Variants in PARD3B observed in about 807,000 individuals in gnomAD.
PARD3B encodes the protein par-3 family cell polarity regulator beta, also known as partitioning defective 3 homolog B.
In PARD3B, 103 loss-of-function variants were observed where a neutral mutation model predicts 130.2. The observed-to-expected ratio is 0.79, with a 90% CI of 0.67 to 0.93. PARD3B has a LOEUF of 0.93. Ranked by LOEUF, PARD3B falls within the 40% of genes least tolerant of loss-of-function variation. The pLI, the probability that PARD3B is intolerant of heterozygous loss-of-function variation, is 0.00. For synonymous variants in PARD3B, 583 were observed against 553.2 expected (o/e 1.05, Z -0.76); for missense variants, 1,609 against 1,499.2 (o/e 1.07, Z -1.21).
chr2:205,589,419 C>T lies in PARD3B; in HGVS notation c.3261-26037C>T, dbSNP rs1207926038. Among the ~76,000 whole-genome samples, 1 of 152,184 alleles carries T rather than the reference C, an allele frequency of 6.6e-6. No homozygotes were observed. The highest frequency in any genetic ancestry group is 1.5e-5 in the Non-Finnish European group (1 of 68,044). ...CAGGCTCTCCAAACCTCTGTTCCCA[C>T]GGCAACTCCAGATCCAGTCCCATCT... On this transcript the variant is annotated intron_variant, in intron 22 of 22. Coordinates refer to ENST00000406610, the MANE Select transcript of PARD3B (RefSeq NM_001302769.2). This position sits in a 1 kb window ranked among gnomAD's most constrained non-coding sequence, Gnocchi z 4.1.
chr2:205,118,984 T>A lies in PARD3B; in HGVS notation c.744T>A (p.Phe248Leu), dbSNP rs1240456738. ...DNSRSKREGL[F>L]HENECIVKIN... is the part of the protein sequence containing the mutation. The stretch of plus-strand genomic sequence containing the variant: ...GCAGGTCCAAGCGGGAGGGACTATT[T>A]CACGAAAATGAATGTATTGTAAAAA... The change falls in exon 7 of 23, where the codon TTT becomes TTA. Residue 248 changes from phenylalanine to leucine, a missense_variant. By Grantham distance (22) the Phe-to-Leu change is conservative (BLOSUM62 0). Coordinates refer to ENST00000406610, the MANE Select transcript of PARD3B (RefSeq NM_001302769.2). The A allele has an allele frequency of 6.2e-7, 1 of 1,612,678 alleles. No homozygotes were observed. Among genetic ancestry groups the A allele is most frequent in the Admixed American group, 1.7e-5 (1 of 59,744 alleles).
chr2:204,816,177 A>G (rs1318183768), intron 2 of PARD3B, among the ~76,000 whole-genome samples: 1 of 151,948 alleles, frequency 6.6e-6, no homozygotes, highest in Admixed American at 6.6e-5. Context: ...AGCATGTTTC[A>G]GTTTCTGTCC....
chr2:205,307,731 T>A (rs572957447), intron 18 of PARD3B, among the ~76,000 whole-genome samples: 1 of 152,350 alleles, frequency 6.6e-6, no homozygotes, highest in East Asian at 1.9e-4. Context: ...GATTTCTTAC[T>A]TAATAACCTT....
intron 18 of PARD3B, among the ~76,000 whole-genome samples, chr2:205,381,714 T>C (rs2045456353): frequency 6.6e-6 from 1 of 151,990 alleles, no homozygotes; most frequent in African/African-American, 2.4e-5. Flanking sequence ...TATGTATTGG[T>C]AGACAATTAA....
intron 3 of PARD3B, among the ~76,000 whole-genome samples, chr2:205,030,955 A>C (rs1234225799): frequency 6.6e-6 from 1 of 152,148 alleles, no homozygotes; most frequent in African/African-American, 2.4e-5. Flanking sequence ...TGTGGAATGT[A>C]AGTCCAGCAT....
At chr2:205,062,082 C>T (rs1036822963) in intron 4 of PARD3B, among the ~76,000 whole-genome samples, 1 of 152,048 alleles carries the variant, frequency 6.6e-6, no homozygotes, top group Non-Finnish European at 1.5e-5. Flanking sequence ...CTTGACTCAC[C>T]TTCCTCACTT....
chr2:205,012,795 T>A (rs972809136), intron 3 of PARD3B, among the ~76,000 whole-genome samples: 29 of 152,212 alleles, frequency 1.9e-4, no homozygotes, highest in African/African-American at 6.8e-4. Flanking sequence ...AAGAAAGCTA[T>A]AAACAAGTTG....
At chr2:205,073,185 T>C (rs1700844665) in intron 4 of PARD3B, among the ~76,000 whole-genome samples, 1 of 152,200 alleles carries the variant, frequency 6.6e-6, no homozygotes, top group Non-Finnish European at 1.5e-5. Flanking sequence ...TTTGTGTGAA[T>C]TAAAGTGGGC....
intron 19 of PARD3B, among the ~76,000 whole-genome samples, chr2:205,428,610 C>T (rs1188797187): frequency 6.6e-6 from 1 of 151,570 alleles, no homozygotes; most frequent in African/African-American, 2.4e-5. Flanking sequence ...CTTGATGGGA[C>T]TAAGACAATA....
Position 204,865,927 on chromosome 2 carries a change from C to T in PARD3B, c.223-99225C>T, listed in dbSNP as rs560681481. On this transcript the variant is annotated intron_variant, in intron 2 of 22. Coordinates refer to ENST00000406610, the MANE Select transcript of PARD3B (RefSeq NM_001302769.2). ...TGCTCTTGTTGCTTAATCTTTGAAC[C>T]TTGGTTATGAGTTATTGTAAGGATT... Among the ~76,000 whole-genome samples the T allele has an allele frequency of 3.3e-5, 5 of 152,134 alleles. No individual in the cohort carries two copies. The East Asian group carries it at 9.7e-4, about 29-fold the overall frequency.
At chr2:204,785,093 A>G (rs369418600) in intron 2 of PARD3B, among the ~76,000 whole-genome samples, 13 of 152,342 alleles carry the variant, frequency 8.5e-5, no homozygotes, top group Admixed American at 7.8e-4. Flanking sequence ...TGAAACAGAT[A>G]AACTGAAAGA....
At chr2:205,075,546 T>C (rs1045834842) in intron 4 of PARD3B, among the ~76,000 whole-genome samples, 1 of 151,912 alleles carries the variant, frequency 6.6e-6, no homozygotes, top group Admixed American at 6.6e-5. Context: ...ATTCAACTTG[T>C]CTTCAAGAAG....
chr2:205,406,706 C>G (rs185525641), intron 19 of PARD3B, among the ~76,000 whole-genome samples: 1 of 117,070 alleles, frequency 8.5e-6, no homozygotes, highest in Non-Finnish European at 1.6e-5. Flanking sequence ...GAGTCTCACT[C>G]TGTCACCAGG....
chr2:205,166,744 A>G (rs76119001), intron 11 of PARD3B, among the ~76,000 whole-genome samples: 7,302 of 152,230 alleles, frequency 0.048, 253 homozygotes, highest in Middle Eastern at 0.15. Context: ...TTCGTTGAAG[A>G]TAATTCTCTC....
At chr2:205,363,425 T>C (rs1304563587) in intron 18 of PARD3B, among the ~76,000 whole-genome samples, 4 of 152,134 alleles carry the variant, frequency 2.6e-5, no homozygotes, top group Admixed American at 1.3e-4. Context: ...GAGAGTAAGA[T>C]AAAGGTCAAC....
intron 11 of PARD3B, among the ~76,000 whole-genome samples, chr2:205,168,314 A>AGTGT (rs374509521): frequency 2.9e-5 from 4 of 137,868 alleles, no homozygotes; most frequent in Non-Finnish European, 6.4e-5. Context: ...AGAGAGAGAG[A>AGTGT]GAGAGAGTGT....
At chr2:205,086,016 T>G (rs1056341137) in intron 4 of PARD3B, among the ~76,000 whole-genome samples, 8 of 152,182 alleles carry the variant, frequency 5.3e-5, no homozygotes, top group Non-Finnish European at 7.3e-5. Flanking sequence ...AAGGTCAAGT[T>G]TAATGCCTTC....
At chr2:204,591,586 G>A (rs2033075294) in intron 1 of PARD3B, among the ~76,000 whole-genome samples, 2 of 152,174 alleles carry the variant, frequency 1.3e-5, no homozygotes, top group African/African-American at 2.4e-5. Context: ...AGGGAAATTA[G>A]AACAATAGCT....
intron 20 of PARD3B, among the ~76,000 whole-genome samples, chr2:205,459,375 C>T (rs910076600): frequency 3.9e-5 from 6 of 151,914 alleles, no homozygotes; most frequent in East Asian, 1.9e-4. Flanking sequence ...CTTCCACCAT[C>T]GCCAAAAATA....
Sources: allele counts gnomAD v4.1 joint callset (sites outside exome capture counted in the v4.1 genomes callset), GRCh38; gene constraint gnomAD v4.1.1; non-coding constraint Gnocchi (gnomAD v3.1); transcripts MANE v1.5; gene names NCBI Gene and HGNC (gene_info 2026-07-23, HGNC 2026-07-21).